SYN3: variants seen among roughly 807,000 people sequenced by gnomAD.
SYN3 encodes the protein synapsin III, also known as synapsin-3.
Under a neutral mutation model 65.8 loss-of-function variants are expected in SYN3, and 35 were observed. The ratio of observed to expected loss-of-function variants is 0.53; its 90% confidence interval spans 0.41 to 0.70. SYN3 has a LOEUF of 0.70. Among genes scored for constraint, SYN3 ranks in the 30% least tolerant of loss-of-function variants. SYN3 has a pLI of 0.00. For missense variants in SYN3, 680 were observed against 749.0 expected (o/e 0.91, Z 1.08); for synonymous variants, 270 against 292.9 (o/e 0.92, Z 0.80).
intron 2 of SYN3, among the ~76,000 whole-genome samples, chr22:32,994,921 AC>A (rs1164697381): frequency 6.6e-6 from 1 of 152,126 alleles, no homozygotes; most frequent in African/African-American, 2.4e-5. Context: ...TACCAGCTCC[AC>A]CCATGTCATT....
At chr22:32,533,685 TG>T in intron 10 of SYN3, 107 bp downstream of exon 10, 1 of 738,518 alleles carries the variant, frequency 1.4e-6, no homozygotes, top group Non-Finnish European at 2.3e-6. Context: ...GCGTGTGCCC[TG>T]GAGCCAGGAC....
chr22:32,679,048 C>A, intron 6 of SYN3, among the ~76,000 whole-genome samples: 1 of 85,638 alleles, frequency 1.2e-5, no homozygotes, highest in African/African-American at 5.0e-5. Context: ...TTGTTTCTTT[C>A]TTTTTTTTTT....
At chr22:32,834,964 C>G (rs566625749) in intron 6 of SYN3, among the ~76,000 whole-genome samples, 1 of 152,350 alleles carries the variant, frequency 6.6e-6, no homozygotes, top group Admixed American at 6.5e-5. Context: ...TCTCTTCAGC[C>G]AGGGTCTTTG....
chr22:32,514,866 A>G (rs754806200), intron 13 of SYN3, among the ~76,000 whole-genome samples: 1 of 152,144 alleles, frequency 6.6e-6, no homozygotes, highest in Non-Finnish European at 1.5e-5. Context: ...AATACAAAAA[A>G]TTAGCCGGGT....
chr22:32,554,888 T>C (rs1438453998), intron 7 of SYN3, among the ~76,000 whole-genome samples: 2 of 152,222 alleles, frequency 1.3e-5, no homozygotes, highest in Admixed American at 1.3e-4. Context: ...TTAACCTCTC[T>C]GTGTCTCACT....
intron 6 of SYN3, among the ~76,000 whole-genome samples, chr22:32,676,661 C>A (rs1365653377): frequency 1.3e-5 from 2 of 150,158 alleles, no homozygotes; most frequent in Non-Finnish European, 3.0e-5. Context: ...CTTAGCCCCC[C>A]GAGTAGCTGG....
At chr22:32,675,999 T>A (rs1317066113) in intron 6 of SYN3, among the ~76,000 whole-genome samples, 1 of 152,158 alleles carries the variant, frequency 6.6e-6, no homozygotes, top group South Asian at 2.1e-4. Context: ...CAAACTGTCA[T>A]TGTGTGGTCA....
intron 7 of SYN3, among the ~76,000 whole-genome samples, chr22:32,570,264 C>T (rs1280089038): frequency 6.6e-6 from 1 of 152,162 alleles, no homozygotes; most frequent in African/African-American, 2.4e-5. Flanking sequence ...GGATGCTGAG[C>T]GTGGGGTCCC....
At chr22:32,667,728 T>C (rs868709810) in intron 6 of SYN3, among the ~76,000 whole-genome samples, 2 of 152,116 alleles carry the variant, frequency 1.3e-5, no homozygotes, top group South Asian at 4.2e-4. Context: ...GAAAAGTCAG[T>C]CAGTCAAGGT....
At chr22:32,519,310 C>T (rs1271999373) in intron 12 of SYN3, 1 of 149,098 alleles carries the variant, frequency 6.7e-6, no homozygotes, top group East Asian at 2.0e-4. Context: ...TTTTAATTCT[C>T]TTTTTTTTTT....
chr22:32,950,748 T>A (rs919971768), intron 3 of SYN3, among the ~76,000 whole-genome samples: 3 of 152,158 alleles, frequency 2.0e-5, no homozygotes, highest in Admixed American at 6.5e-5. Flanking sequence ...ACTGAGGGAT[T>A]CAGCCCAGAT....
At chr22:32,578,437 G>A (rs2058887086) in intron 7 of SYN3, among the ~76,000 whole-genome samples, 2 of 152,156 alleles carry the variant, frequency 1.3e-5, no homozygotes, top group South Asian at 4.2e-4. Flanking sequence ...TTTTAGTAAA[G>A]ATGGGTTTTG....
intron 11 of SYN3, among the ~76,000 whole-genome samples, chr22:32,528,477 C>T (rs2146137740): frequency 6.6e-6 from 1 of 152,242 alleles, no homozygotes; most frequent in Middle Eastern, 3.4e-3. Flanking sequence ...ACAATAGCGT[C>T]CATTGACTGG....
chr22:32,518,023 C>T lies in SYN3; in HGVS notation c.1610+20G>A. 1.3e-6 allele frequency: 2 copies of T among 1,509,088 alleles called. No individual in the cohort carries two copies. 93.5% of individuals were successfully genotyped at this position (1,509,088 alleles called of 1,614,324 possible). A position where few individuals can be genotyped will look rare whatever the true frequency, so the allele number is the denominator to read the frequency against. ...ACCCCAGCTCTATCCTATACCTTTT[C>T]CAATTCCCAAAGCACTTACTTGAGA... On this transcript the variant is annotated intron_variant, in intron 13 of 13. Coordinates refer to ENST00000358763, the MANE Select transcript of SYN3 (RefSeq NM_003490.4).
At chr22:32,552,613 A>C (rs1239994979) in intron 7 of SYN3, among the ~76,000 whole-genome samples, 1 of 152,044 alleles carries the variant, frequency 6.6e-6, no homozygotes, top group African/African-American at 2.4e-5. Flanking sequence ...CTGGATATAG[A>C]TGTGGCCCCT....
chr22:32,716,284 T>C (rs2147269571), intron 6 of SYN3, among the ~76,000 whole-genome samples: 1 of 152,190 alleles, frequency 6.6e-6, no homozygotes, highest in East Asian at 1.9e-4. Flanking sequence ...ACTGGGCACA[T>C]ATCTCTGTGT....
At chr22:32,655,545 G>A (rs1020427372) in intron 6 of SYN3, among the ~76,000 whole-genome samples, 6 of 152,124 alleles carry the variant, frequency 3.9e-5, no homozygotes, top group South Asian at 2.1e-4. Context: ...ATTACCGCCC[G>A]CACTCTGCCT....
At chr22:33,032,972 G>A (rs753130925) in intron 1 of SYN3, among the ~76,000 whole-genome samples, 2 of 151,772 alleles carry the variant, frequency 1.3e-5, no homozygotes, top group African/African-American at 2.4e-5. Flanking sequence ...AGGGCCTCTC[G>A]ACTGCTCTCT....
chr22:32,664,094 A>G (rs1395442165), intron 6 of SYN3, among the ~76,000 whole-genome samples: 1 of 152,208 alleles, frequency 6.6e-6, no homozygotes, highest in Non-Finnish European at 1.5e-5. Context: ...GTATGTGAAG[A>G]TGGTAAGAGC....
Sources: gnomAD v4.1 joint callset for allele counts (sites outside exome capture counted in the v4.1 genomes callset) on GRCh38, gnomAD v4.1.1 for gene constraint, MANE v1.5 for transcripts, NCBI Gene and HGNC (gene_info 2026-07-23, HGNC 2026-07-21) for gene names.